Variants in NPRL3 observed in about 807,000 individuals in gnomAD.
The protein encoded by NPRL3 is NPR3 like, GATOR1 complex subunit, also known as GATOR1 complex protein NPRL3.
A neutral mutation model predicts 57.2 loss-of-function variants in NPRL3; 23 were observed. That is an observed-to-expected ratio of 0.40 (90% CI 0.29 to 0.57). The LOEUF is 0.57. NPRL3 is among the 20% of genes least tolerant of loss of function. The pLI, the probability that NPRL3 is intolerant of heterozygous loss-of-function variation, is 0.42. For missense variants in NPRL3, 691 were observed against 767.1 expected (o/e 0.90, Z 1.17); for synonymous variants, 333 against 321.1 (o/e 1.04, Z -0.39).
At chr16:94,357 T>C (rs1186434104) in intron 9 of NPRL3, among the ~76,000 whole-genome samples, 1 of 152,150 alleles carries the variant, frequency 6.6e-6, no homozygotes, top group Non-Finnish European at 1.5e-5. Flanking sequence ...AGGACACCAC[T>C]CCACCCTCTT....
intron 7 of NPRL3, among the ~76,000 whole-genome samples, chr16:100,970 CAAAAAA>C (rs59640237): frequency 8.3e-5 from 3 of 36,118 alleles, no homozygotes; most frequent in Non-Finnish European, 1.3e-4. Flanking sequence ...GACTCTGTCT[CAAAAAA>C]AAAAAAAAAA....
In NPRL3 at chr16:88,775, G is replaced by A; in HGVS notation, c.1467C>T (p.Ser489=). Residue 489 remains serine (S), a synonymous_variant, in exon 13 of 14, where the codon AGC becomes AGT. Transcript: ENST00000611875. ...NQRMTENLLA[S]LSEHERAAIL... is the part of the protein sequence containing the mutation. ...TGGCTGCGCGTTCATGCTCCGACAG[G>A]CTGGCCAGCAGGTTCTCCGTCATCC... 1.9e-6 allele frequency: 3 copies of A among 1,613,398 alleles called. No homozygotes were observed. Among genetic ancestry groups the A allele is most frequent in the South Asian group, 2.2e-5 (2 of 91,036 alleles).
chr16:86,495 AAC>A lies in NPRL3; in HGVS notation c.*208_*209del. 3.5e-6 allele frequency: 2 copies of A among 572,548 alleles called. No individual in the cohort carries two copies. Among genetic ancestry groups the A allele is most frequent in the Non-Finnish European group, 6.2e-6 (2 of 321,694 alleles). The allele number at this position is 572,548 out of a possible 1,614,324, so 35.5% of individuals were successfully genotyped here. On this transcript the variant is annotated 3_prime_UTR_variant, in exon 14 of 14. Coordinates refer to ENST00000611875, the MANE Select transcript of NPRL3 (RefSeq NM_001077350.3). ...GGCAAGGACTGGAGGGAAGCGTAGG[AAC>A]ACAGAGGGCAGCAGCCCCACAGCGG...
chr16:88,640 C>G, intron 13 of NPRL3, 58 bp downstream of exon 13: 2 of 1,474,932 alleles, frequency 1.4e-6, no homozygotes, highest in South Asian at 2.5e-5. Context: ...CGTCCCTATC[C>G]ACTTTCTGCC....
chr16:121,834 A>G (rs1209383316), intron 3 of NPRL3, among the ~76,000 whole-genome samples: 2 of 148,506 alleles, frequency 1.3e-5, no homozygotes, highest in East Asian at 2.0e-4. Context: ...GAGTGCAATG[A>G]CGTAATCTCG....
At chr16:116,160 C>G (rs1567141377) in intron 5 of NPRL3, among the ~76,000 whole-genome samples, 1 of 151,032 alleles carries the variant, frequency 6.6e-6, no homozygotes, top group East Asian at 1.9e-4. Context: ...TGAGGGCCTG[C>G]TTACAGCATC....
rs1433584122 is a variant in NPRL3, at chr16:92,713, C to T, written c.1044G>A (p.Leu348=). Residue 348 remains leucine (L), a synonymous_variant, in exon 11 of 14, where the codon CTG becomes CTA. Transcript: ENST00000611875. Reference sequence around the variant, plus strand: ...GGAACTGGTGGGAGAACTGCTCGGCCAGCGGGGAGTACCTGCAGGCAGGTG... The same window carrying T: ...GGAACTGGTGGGAGAACTGCTCGGCTAGCGGGGAGTACCTGCAGGCAGGTG... ...PNASVCLYSP[L]AEQFSHQFPS... is the part of the protein sequence containing the mutation. 1.2e-6 allele frequency: 2 copies of T among 1,613,624 alleles called. No individual in the cohort carries two copies. The highest frequency in any genetic ancestry group is 8.5e-7 in the Non-Finnish European group (1 of 1,179,758).
intron 9 of NPRL3, among the ~76,000 whole-genome samples, chr16:95,383 ACAAT>A (rs1898962960): frequency 7.1e-6 from 1 of 141,718 alleles, no homozygotes; most frequent in East Asian, 2.1e-4. Context: ...ACACACACAC[ACAAT>A]AAAATGTATA....
intron 7 of NPRL3, among the ~76,000 whole-genome samples, chr16:104,914 G>A (rs1004216828): frequency 2.0e-5 from 3 of 152,180 alleles, no homozygotes; most frequent in Non-Finnish European, 4.4e-5. Flanking sequence ...GTTAACAAGG[G>A]GAAAGAGAAA....
At chr16:90,936 C>CTGGT (rs1009653004) in intron 11 of NPRL3, 3 of 152,170 alleles carry the variant, frequency 2.0e-5, no homozygotes, top group Non-Finnish European at 2.9e-5. Context: ...AAAAATTAGC[C>CTGGT]GGGTGTGGTG....
chr16:132,359 G>C (rs530747063), intron 2 of NPRL3, among the ~76,000 whole-genome samples: 1 of 152,202 alleles, frequency 6.6e-6, no homozygotes, highest in Non-Finnish European at 1.5e-5. Flanking sequence ...ATCCGTTCAA[G>C]TTTTATCGTG....
intron 2 of NPRL3, among the ~76,000 whole-genome samples, chr16:135,880 AAAC>A (rs1178066399): frequency 1.3e-5 from 2 of 152,192 alleles, no homozygotes; most frequent in African/African-American, 4.8e-5. Context: ...AAAAAAAATC[AAAC>A]AACCCAAGAG....
chr16:132,701 G>A (rs936173833), intron 2 of NPRL3, among the ~76,000 whole-genome samples: 2 of 138,644 alleles, frequency 1.4e-5, no homozygotes, highest in African/African-American at 5.4e-5. Context: ...ACGGAGTCTC[G>A]CTCTGTCGCC....
chr16:114,225 A>C (rs1230873907), intron 5 of NPRL3, among the ~76,000 whole-genome samples: 1 of 152,170 alleles, frequency 6.6e-6, no homozygotes. Context: ...AGACATACAA[A>C]GTGGTGCAGT....
At chr16:109,815 G>C (rs1394771216) in intron 7 of NPRL3, among the ~76,000 whole-genome samples, 1 of 152,186 alleles carries the variant, frequency 6.6e-6, no homozygotes, top group Non-Finnish European at 1.5e-5. Flanking sequence ...GTGATGCACT[G>C]ATGCATCTCT....
rs1898438976 is a variant in NPRL3, at chr16:85,787, C to T, written c.*918G>A. 1.4e-6 allele frequency: 2 copies of T among 1,475,152 alleles called. No individual in the cohort carries two copies. Among genetic ancestry groups the T allele is most frequent in the South Asian group, 1.5e-5 (1 of 66,978 alleles). The allele number at this position is 1,475,152 out of a possible 1,614,324, so 91.4% of individuals were successfully genotyped here. On this transcript the variant is annotated 3_prime_UTR_variant, in exon 14 of 14. Coordinates refer to ENST00000611875, the MANE Select transcript of NPRL3 (RefSeq NM_001077350.3). ...GGACACACAGGCCTGAGCAAAGGGC[C>T]TGCCCAGACAAGATTTTTTAATTGT...
intron 7 of NPRL3, among the ~76,000 whole-genome samples, chr16:106,930 G>T (rs931992711): frequency 6.6e-6 from 1 of 152,158 alleles, no homozygotes; most frequent in African/African-American, 2.4e-5. Flanking sequence ...ACAGCCCAGA[G>T]GGGCTCCTGG....
intron 3 of NPRL3, among the ~76,000 whole-genome samples, chr16:128,196 T>C (rs1900630146): frequency 6.6e-6 from 1 of 152,184 alleles, no homozygotes. Context: ...TTTGCCATGT[T>C]GGCCAGGCTG....
chr16:134,684 A>AATTATTATTATT (rs201304972), intron 2 of NPRL3, among the ~76,000 whole-genome samples: 14 of 118,676 alleles, frequency 1.2e-4, no homozygotes, highest in African/African-American at 4.5e-4. Flanking sequence ...AAGTCACAGT[A>AATTATTATTATT]ATTATTATTA....
Sources: allele counts gnomAD v4.1 joint callset (sites outside exome capture counted in the v4.1 genomes callset), GRCh38; gene constraint gnomAD v4.1.1; transcripts MANE v1.5; gene names NCBI Gene and HGNC (gene_info 2026-07-23, HGNC 2026-07-21).